Variants in FUT8 observed in about 807,000 individuals in gnomAD.
The protein encoded by FUT8 is alpha-(1,6)-fucosyltransferase.
Under a neutral mutation model 71.3 loss-of-function variants are expected in FUT8, and 29 were observed. That is an observed-to-expected ratio of 0.41 (90% CI 0.30 to 0.55). FUT8 has a LOEUF of 0.55. FUT8 is among the 20% of genes least tolerant of loss of function. FUT8 has a pLI of 0.34. For synonymous variants in FUT8, 254 were observed against 239.3 expected (o/e 1.06, Z -0.57); for missense variants, 544 against 702.1 (o/e 0.77, Z 2.55).
At chr14:65,531,803 A>G (rs551724498) in intron 2 of FUT8, among the ~76,000 whole-genome samples, 68 of 151,976 alleles carry the variant, frequency 4.5e-4, no homozygotes, top group African/African-American at 1.5e-3. Flanking sequence ...TCCATTGTCT[A>G]TTGTTCCTTT....
chr14:65,741,948 A>G, intron 10 of FUT8, 145 bp from the exon 11 acceptor site: 1 of 626,468 alleles, frequency 1.6e-6, no homozygotes, highest in Admixed American at 2.9e-5. Context: ...ATCTTCTGAG[A>G]ACAAATGGAC....
At chr14:65,646,913 T>C (rs1242903638) in intron 6 of FUT8, among the ~76,000 whole-genome samples, 1 of 152,222 alleles carries the variant, frequency 6.6e-6, no homozygotes. Context: ...AATATTGTTC[T>C]GTGGTAGGTT....
upstream of FUT8, among the ~76,000 whole-genome samples, chr14:65,406,077 A>C (rs1011181125): frequency 6.6e-6 from 1 of 152,250 alleles, no homozygotes; most frequent in Non-Finnish European, 1.5e-5. Flanking sequence ...ATTATATGAG[A>C]TGATAAAATA....
upstream of FUT8, among the ~76,000 whole-genome samples, chr14:65,406,692 C>T (rs572252862): frequency 6.6e-6 from 1 of 152,256 alleles, no homozygotes; most frequent in African/African-American, 2.4e-5. Flanking sequence ...CCCACTACCA[C>T]GCCCAGCTAA....
At chr14:65,628,286 G>T (rs1330201226) in intron 5 of FUT8, among the ~76,000 whole-genome samples, 4 of 152,156 alleles carry the variant, frequency 2.6e-5, no homozygotes, top group Non-Finnish European at 4.4e-5. Flanking sequence ...ATTGGGTGGG[G>T]TCTTTTAGGT....
intron 7 of FUT8, among the ~76,000 whole-genome samples, chr14:65,694,990 A>G (rs1199557122): frequency 6.6e-6 from 1 of 152,084 alleles, no homozygotes; most frequent in Non-Finnish European, 1.5e-5. Context: ...ACATGTATAC[A>G]TATGTAACTA....
At chr14:65,464,007 A>G (rs890387208) in intron 2 of FUT8, among the ~76,000 whole-genome samples, 9 of 152,222 alleles carry the variant, frequency 5.9e-5, no homozygotes, top group Non-Finnish European at 1.2e-4. Flanking sequence ...CCACTGGGGA[A>G]AAAAGGAAAC....
At chr14:65,481,123 GT>G (rs753647636) in intron 2 of FUT8, among the ~76,000 whole-genome samples, 5 of 151,206 alleles carry the variant, frequency 3.3e-5, no homozygotes, top group African/African-American at 4.9e-5. Flanking sequence ...TTTTCTGCTG[GT>G]TTTTTTTTAT....
At chr14:65,401,895 TA>T in the FUT8 span, among the ~76,000 whole-genome samples, 3,735 of 105,170 alleles carry the variant, frequency 0.036, 174 homozygotes, top group African/African-American at 0.12. Context: ...AGACCCTGTC[TA>T]AAAAAAAAAA....
At chr14:65,510,324 A>G (rs980838798) in intron 2 of FUT8, among the ~76,000 whole-genome samples, 12 of 152,024 alleles carry the variant, frequency 7.9e-5, no homozygotes, top group African/African-American at 2.4e-4. Flanking sequence ...GTTGAGTTCA[A>G]TTTGGTAGTA....
intron 3 of FUT8, among the ~76,000 whole-genome samples, chr14:65,565,780 T>A (rs940191746): frequency 5.9e-5 from 9 of 151,920 alleles, no homozygotes; most frequent in Non-Finnish European, 1.0e-4. Context: ...ATTTTTTTAA[T>A]GTGTTGATTT....
chr14:65,374,702 CT>C, the FUT8 span, among the ~76,000 whole-genome samples: 1 of 151,618 alleles, frequency 6.6e-6, no homozygotes, highest in Non-Finnish European at 1.5e-5. Context: ...TCAAGTGATT[CT>C]TCTGCCTCAG....
chr14:65,677,147 TGTGTGCGC>T (rs1167990451), intron 7 of FUT8, among the ~76,000 whole-genome samples: 2 of 102,808 alleles, frequency 1.9e-5, no homozygotes, highest in Non-Finnish European at 4.2e-5. Context: ...TGTGTGTGTG[TGTGTGCGC>T]GCGCGCATGC....
intron 1 of FUT8, among the ~76,000 whole-genome samples, chr14:65,436,313 C>T (rs1027248476): frequency 1.3e-5 from 2 of 151,930 alleles, no homozygotes; most frequent in Non-Finnish European, 1.5e-5. Context: ...TTTAACATTC[C>T]GAGAATGCTT....
rs1892379846 is a variant in FUT8, at chr14:65,669,569, T to C, written c.835+89T>C. 1 of 844,278 alleles carries C rather than the reference T, an allele frequency of 1.2e-6. No individual in the cohort carries two copies. Among genetic ancestry groups the C allele is most frequent in the Admixed American group, 2.0e-5 (1 of 49,202 alleles). The allele number at this position is 844,278 out of a possible 1,614,324, so 52.3% of individuals were successfully genotyped here. ...TTTCTAGGTAGACCTTCATGGAACA[T>C]ACTTATCTTTTCCTCTGGATCCATG... On this transcript the variant is annotated intron_variant, in intron 7 of 10. Coordinates refer to ENST00000673929, the MANE Select transcript of FUT8 (RefSeq NM_001371533.1). This position sits in a 1 kb window ranked among gnomAD's most constrained non-coding sequence, Gnocchi z 4.5.
chr14:65,481,964 A>G (rs954723386), intron 2 of FUT8, among the ~76,000 whole-genome samples: 3 of 152,128 alleles, frequency 2.0e-5, no homozygotes, highest in African/African-American at 7.2e-5. Flanking sequence ...AAGAGCACAC[A>G]TTTTAAATTA....
chr14:65,386,846 T>C, the FUT8 span, among the ~76,000 whole-genome samples: 4 of 142,248 alleles, frequency 2.8e-5, no homozygotes, highest in Non-Finnish European at 6.1e-5. Flanking sequence ...AATTTTTTTT[T>C]TTTTTTTTTT....
intron 5 of FUT8, among the ~76,000 whole-genome samples, chr14:65,617,901 G>A (rs1029929309): frequency 1.1e-4 from 16 of 151,592 alleles, no homozygotes; most frequent in African/African-American, 3.9e-4. Flanking sequence ...CAGAGATCAT[G>A]CCACTGTACT....
Position 65,724,137 on chromosome 14 carries a change from T to G in FUT8, c.1083-10T>G, listed in dbSNP as rs760851386. On this transcript the variant is annotated splice_polypyrimidine_tract_variant and intron_variant, in intron 8 of 10. Coordinates refer to ENST00000673929, the MANE Select transcript of FUT8 (RefSeq NM_001371533.1). Reference sequence around the variant, plus strand: ...GTACATTACCAGTAGAATCTGAATTTCTCCCCCAGAGTCCATGTCAGACGC... The same window carrying G: ...GTACATTACCAGTAGAATCTGAATTGCTCCCCCAGAGTCCATGTCAGACGC... 1.3e-6 allele frequency: 2 copies of G among 1,555,780 alleles called. No homozygotes were observed. The highest frequency in any genetic ancestry group is 2.5e-5 in the South Asian group (2 of 80,000).
Sources: gnomAD v4.1 joint callset for allele counts (sites outside exome capture counted in the v4.1 genomes callset) on GRCh38, gnomAD v4.1.1 for gene constraint, Gnocchi (gnomAD v3.1) non-coding constraint, MANE v1.5 for transcripts, NCBI Gene and HGNC (gene_info 2026-07-23, HGNC 2026-07-21) for gene names.